Variants in KHDRBS2 observed in about 807,000 individuals in gnomAD.
KHDRBS2 encodes the protein KH RNA binding domain containing, signal transduction associated 2, also known as KH domain-containing, RNA-binding, signal transduction-associated protein 2.
A neutral mutation model predicts 44.3 loss-of-function variants in KHDRBS2; 26 were observed. The observed-to-expected ratio is 0.59, with a 90% CI of 0.43 to 0.81. The LOEUF (loss-of-function observed/expected upper bound fraction) is 0.81. KHDRBS2 is among the 40% of genes least tolerant of loss of function. The pLI is 0.00. For synonymous variants in KHDRBS2, 194 were observed against 151.1 expected, an observed-to-expected ratio of 1.28 and a Z score of -2.08; for missense variants, 476 against 433.1, an observed-to-expected ratio of 1.10 and a Z score of -0.88.
intron 4 of KHDRBS2, among the ~76,000 whole-genome samples, chr6:61,909,770 T>C (rs1320273553): frequency 6.6e-6 from 1 of 152,206 alleles, no homozygotes; most frequent in Non-Finnish European, 1.5e-5. Context: ...TTTGCCCAAA[T>C]ACAAATTGGG....
intron 2 of KHDRBS2, among the ~76,000 whole-genome samples, chr6:62,094,096 A>AC (rs1351559767): frequency 6.6e-6 from 1 of 151,754 alleles, no homozygotes; most frequent in Non-Finnish European, 1.5e-5. Context: ...ATTTTGAGAA[A>AC]CCTTTACACC....
At chr6:61,910,190 A>G (rs1805798760) in intron 4 of KHDRBS2, among the ~76,000 whole-genome samples, 1 of 152,212 alleles carries the variant, frequency 6.6e-6, no homozygotes, top group Non-Finnish European at 1.5e-5. Context: ...TTCAGAAAAC[A>G]ACTAGCGCTG....
At chr6:61,634,202 G>A in the KHDRBS2 span, among the ~76,000 whole-genome samples, 1 of 151,848 alleles carries the variant, frequency 6.6e-6, no homozygotes, top group East Asian at 1.9e-4. Flanking sequence ...ATCACTCCCA[G>A]TGGCCGGGTC....
chr6:61,974,933 AAAATAAATAAATAAATAAATAAATAAAT>A (rs139333730), intron 4 of KHDRBS2, among the ~76,000 whole-genome samples: 1 of 138,682 alleles, frequency 7.2e-6, no homozygotes, highest in African/African-American at 2.6e-5. Context: ...TCCATCTTAA[AAAATAAATAAATAAATAAATAAATAAAT>A]AAATAAATAA....
chr6:61,894,782 G>T lies in KHDRBS2; in HGVS notation c.663C>A (p.Leu221=). Residue 221 remains leucine, a synonymous_variant, in exon 6 of 9, where the codon CTC becomes CTA. Coordinates refer to ENST00000281156, the MANE Select transcript of KHDRBS2 (RefSeq NM_152688.4). ...PPPPPPGRGV[L]TPRGSTVTRG... is the part of the protein sequence containing the mutation. The stretch of plus-strand genomic sequence containing the variant: ...GGGTTACAGTGCTTCCCCGAGGGGT[G>T]AGAACACCTCGTCCAGGTGGTGGGG... The T allele has an allele frequency of 3.1e-6, 5 of 1,613,162 alleles. No homozygotes were observed. The highest frequency in any genetic ancestry group is 2.2e-5 in the East Asian group (1 of 44,826).
chr6:61,866,216 C>A (rs189566640), intron 6 of KHDRBS2, among the ~76,000 whole-genome samples: 3 of 152,336 alleles, frequency 2.0e-5, no homozygotes, highest in African/African-American at 7.2e-5. Flanking sequence ...GCCCCTAAGG[C>A]AAACTTCTAC....
chr6:61,697,403 G>A (rs1333331200), intron 7 of KHDRBS2, 150 bp from the exon 8 acceptor site: 2 of 614,576 alleles, frequency 3.3e-6, no homozygotes, highest in East Asian at 5.6e-5. Flanking sequence ...TCTTCAGTAA[G>A]AAAAACACAG....
chr6:61,978,151 A>G lies in KHDRBS2; in HGVS notation c.398T>C (p.Val133Ala). 6.2e-7 allele frequency: 1 copy of G among 1,611,988 alleles called. No individual in the cohort carries two copies. The highest frequency in any genetic ancestry group is 8.5e-7 in the Non-Finnish European group (1 of 1,178,400). The change falls in exon 4 of 9, where the codon GTA becomes GCA. Residue 133 changes from valine to alanine, a missense_variant. By Grantham distance (64) the Val-to-Ala change is moderately conservative. Transcript: ENST00000281156. ...AGGTGGAGCAAACACTTCAATTAAT[A>G]CATGAAGCTCATCACTCAAGTGGGC... Reference protein sequence around the residue: ...KYAHLSDELHVLIEVFAPPGE... With the variant: ...KYAHLSDELHALIEVFAPPGE...
intron 1 of KHDRBS2, among the ~76,000 whole-genome samples, chr6:62,219,249 A>C (rs1830493819): frequency 6.6e-6 from 1 of 152,020 alleles, no homozygotes; most frequent in Non-Finnish European, 1.5e-5. Context: ...AGGAAGTGTA[A>C]AGACCAAAAA....
At chr6:61,983,523 G>C (rs1774411424) in intron 3 of KHDRBS2, among the ~76,000 whole-genome samples, 1 of 152,006 alleles carries the variant, frequency 6.6e-6, no homozygotes, top group South Asian at 2.1e-4. Flanking sequence ...ATAGTCTGGG[G>C]ACCTCGAGAA....
At chr6:62,169,033 T>TGATATATATATATA (rs1162997779) in intron 2 of KHDRBS2, among the ~76,000 whole-genome samples, 1 of 31,018 alleles carries the variant, frequency 3.2e-5, no homozygotes, top group African/African-American at 1.3e-4. Context: ...TGTTCTCCAG[T>TGATATATATATATA]CATATATATA....
intron 3 of KHDRBS2, among the ~76,000 whole-genome samples, chr6:62,004,655 T>C (rs1187091857): frequency 6.6e-6 from 1 of 152,124 alleles, no homozygotes; most frequent in Non-Finnish European, 1.5e-5. Context: ...CCCTAACTCA[T>C]TTTATGAGGC....
In KHDRBS2 at chr6:62,177,185, C is replaced by G. The variant is rs760464255; in HGVS notation, c.219G>C (p.Lys73Asn). ...GAGAACAAAGTATATATGGTAGTAC[C>G]TTTGGATACTGCTTGACAGGAATCA... ...RVLIPVKQYP[K>N]FNFVGKLLGP... Residue 73 changes from lysine (K) to asparagine (N), a missense_variant and splice_region_variant, in exon 2 of 9, where the codon AAG becomes AAC. Physicochemically the swap from Lys to Asn is moderately conservative, Grantham distance 94 (BLOSUM62 0). Transcript: ENST00000281156. The G allele has an allele frequency of 6.4e-7, 1 of 1,557,666 alleles. No individual in the cohort carries two copies. The highest frequency in any genetic ancestry group is 1.7e-4 in the Middle Eastern group (1 of 5,916).
chr6:61,807,221 G>A (rs1186014842), intron 6 of KHDRBS2, among the ~76,000 whole-genome samples: 1 of 152,098 alleles, frequency 6.6e-6, no homozygotes, highest in Non-Finnish European at 1.5e-5. Flanking sequence ...ATACACTGCT[G>A]GTGGGAGTAC....
chr6:62,136,993 C>CTTTTTTTTTTTTTT (rs141092447), intron 2 of KHDRBS2, among the ~76,000 whole-genome samples: 37 of 78,316 alleles, frequency 4.7e-4, no homozygotes, highest in Admixed American at 7.8e-4. Context: ...TCTTTCTTTT[C>CTTTTTTTTTTTTTT]TTTTTTTTTT....
At chr6:61,816,876 A>G (rs1789042030) in intron 6 of KHDRBS2, 1 of 448,102 alleles carries the variant, frequency 2.2e-6, no homozygotes, top group Non-Finnish European at 4.5e-6. Context: ...CCTAATTTAA[A>G]CCATACACTT....
chr6:62,092,661 AG>A (rs1188434730), intron 2 of KHDRBS2, among the ~76,000 whole-genome samples: 1 of 152,180 alleles, frequency 6.6e-6, no homozygotes, highest in African/African-American at 2.4e-5. Context: ...TCCCTGGAAT[AG>A]CTATGAATTT....
intron 4 of KHDRBS2, among the ~76,000 whole-genome samples, chr6:61,969,836 TA>T (rs1770948436): frequency 1.3e-5 from 2 of 151,902 alleles, no homozygotes; most frequent in Admixed American, 6.6e-5. Context: ...TAAATAAAGA[TA>T]AATACTAGTT....
chr6:62,168,320 A>G (rs1218905091), intron 2 of KHDRBS2, among the ~76,000 whole-genome samples: 1 of 152,142 alleles, frequency 6.6e-6, no homozygotes, highest in Admixed American at 6.6e-5. Context: ...TTAATTGAAG[A>G]AAAGGTCTGA....
Sources: allele counts gnomAD v4.1 joint callset (sites outside exome capture counted in the v4.1 genomes callset), GRCh38; gene constraint gnomAD v4.1.1; transcripts MANE v1.5; gene names NCBI Gene and HGNC (gene_info 2026-07-23, HGNC 2026-07-21).